The following FNDC3A variants were observed in gnomAD, a reference collection of about 807,000 sequenced individuals.
FNDC3A encodes fibronectin type III domain containing 3A.
FNDC3A carries 32 observed loss-of-function variants against 148.9 expected under a neutral mutation model. The observed-to-expected ratio is 0.21, with a 90% CI of 0.16 to 0.29. FNDC3A has a LOEUF of 0.29. Among genes scored for constraint, FNDC3A ranks in the 10% least tolerant of loss-of-function variants. FNDC3A has a pLI of 1.00. For synonymous variants in FNDC3A, 472 were observed against 473.6 expected (o/e 1.00, Z 0.04); for missense variants, 1,191 against 1,452.8 (o/e 0.82, Z 2.93).
rs150982600 is a variant in FNDC3A at position 49,070,365 on chromosome 13, A to G, written c.100-4924A>G. Among the ~76,000 whole-genome samples, 132 of 152,270 alleles carry G rather than the reference A, an allele frequency of 8.7e-4. 1 individual carries two copies. In the East Asian group the frequency reaches 0.018, roughly 21 times the overall value. Reference sequence around the variant, plus strand: ...AAAAACAGGAAAAATTAATTATAACATTTTAACCCAGTATGTCCAGAATAT... The same window carrying G: ...AAAAACAGGAAAAATTAATTATAACGTTTTAACCCAGTATGTCCAGAATAT... On this transcript the variant is annotated intron_variant, in intron 2 of 25. Transcript: ENST00000492622.
rs893770296 is a variant in FNDC3A, at chr13:49,017,928, C to T, written c.99+11639C>T. Among the ~76,000 whole-genome samples, 6 of 152,230 alleles carry T rather than the reference C, an allele frequency of 3.9e-5. No individual in the cohort carries two copies. In the South Asian group the frequency reaches 6.2e-4, roughly 16 times the overall value. On this transcript the variant is annotated intron_variant, in intron 2 of 25. Transcript: ENST00000492622. Reference sequence around the variant, plus strand: ...TTTCTTTAAGAATGTTGGATATTGGCCCCTACTCTCTTCTGGCTTGTAGAG... The same window carrying T: ...TTTCTTTAAGAATGTTGGATATTGGTCCCTACTCTCTTCTGGCTTGTAGAG...
intron 8 of FNDC3A, among the ~76,000 whole-genome samples, chr13:49,164,064 G>C (rs1364321874): frequency 6.6e-6 from 1 of 152,134 alleles, no homozygotes; most frequent in African/African-American, 2.4e-5. Context: ...TTATAGAACT[G>C]CTGTAGTCGT....
At chr13:49,175,309 TG>T in intron 12 of FNDC3A, 57 bp from the exon 13 acceptor site, 2 of 1,258,888 alleles carry the variant, frequency 1.6e-6, no homozygotes, top group Non-Finnish European at 2.1e-6. Context: ...GTCACAAACT[TG>T]TTCTTTCACT....
At chr13:49,019,081 T>G (rs1593478662) in intron 2 of FNDC3A, among the ~76,000 whole-genome samples, 1 of 152,194 alleles carries the variant, frequency 6.6e-6, no homozygotes, top group Non-Finnish European at 1.5e-5. Flanking sequence ...CCCCCAGAGG[T>G]GGAGCCTACA....
intron 2 of FNDC3A, among the ~76,000 whole-genome samples, chr13:49,031,899 A>G (rs1376190649): frequency 1.3e-5 from 2 of 152,204 alleles, no homozygotes; most frequent in African/African-American, 2.4e-5. Context: ...TGCAAACTGT[A>G]TCTGATAAGG....
chr13:49,077,299 A>G (rs1172551619), intron 3 of FNDC3A, among the ~76,000 whole-genome samples: 2 of 152,188 alleles, frequency 1.3e-5, no homozygotes, highest in Non-Finnish European at 2.9e-5. Flanking sequence ...TAAAAAGAGC[A>G]TTGGAGATGA....
intron 7 of FNDC3A, among the ~76,000 whole-genome samples, chr13:49,144,913 G>A (rs1452309630): frequency 6.6e-6 from 1 of 152,078 alleles, no homozygotes; most frequent in Admixed American, 6.6e-5. Flanking sequence ...GAAATCTTCA[G>A]ATGTTAGCGC....
chr13:49,069,254 A>T (rs1049461562), intron 2 of FNDC3A, among the ~76,000 whole-genome samples: 3 of 152,216 alleles, frequency 2.0e-5, no homozygotes, highest in Non-Finnish European at 4.4e-5. Context: ...AATACCTTTA[A>T]AGAAACCTTT....
intron 4 of FNDC3A, among the ~76,000 whole-genome samples, chr13:49,126,258 G>A (rs1420886217): frequency 6.7e-6 from 1 of 149,686 alleles, no homozygotes; most frequent in East Asian, 2.2e-4. Flanking sequence ...CTTAGGTTTG[G>A]GGGTTTTTTT....
At chr13:49,187,745 T>C in intron 16 of FNDC3A, 1 of 985,456 alleles carries the variant, frequency 1.0e-6, no homozygotes, top group African/African-American at 1.6e-5. Context: ...CAAGACCTTT[T>C]TTTTTTCCTG....
At chr13:49,194,324 G>A (rs1886042998) in intron 19 of FNDC3A, among the ~76,000 whole-genome samples, 1 of 152,150 alleles carries the variant, frequency 6.6e-6, no homozygotes, top group Admixed American at 6.6e-5. Context: ...TTTAAATTAG[G>A]AACTTTTGAA....
At chr13:49,018,171 C>A (rs1341662163) in intron 2 of FNDC3A, among the ~76,000 whole-genome samples, 1 of 151,942 alleles carries the variant, frequency 6.6e-6, no homozygotes, top group African/African-American at 2.4e-5. Flanking sequence ...TGGGGAAGTT[C>A]TCCTGGATAA....
intron 3 of FNDC3A, chr13:49,110,288 C>G: frequency 6.6e-7 from 1 of 1,507,198 alleles, no homozygotes; most frequent in South Asian, 1.3e-5. Flanking sequence ...ATCTTTTCCT[C>G]TTACAGCCTT....
At chr13:49,060,410 A>G (rs1876583821) in intron 2 of FNDC3A, among the ~76,000 whole-genome samples, 1 of 152,130 alleles carries the variant, frequency 6.6e-6, no homozygotes, top group South Asian at 2.1e-4. Context: ...TTGGAAGGCC[A>G]AGGTGGGCGG....
intron 3 of FNDC3A, among the ~76,000 whole-genome samples, chr13:49,083,618 GA>G (rs1193465076): frequency 6.6e-6 from 1 of 152,126 alleles, no homozygotes; most frequent in African/African-American, 2.4e-5. Flanking sequence ...GTTTAACCTA[GA>G]AAAGAGGGCA....
chr13:49,160,346 G>A (rs1884015331), intron 8 of FNDC3A, among the ~76,000 whole-genome samples: 1 of 152,136 alleles, frequency 6.6e-6, no homozygotes, highest in South Asian at 2.1e-4. Context: ...TTTAGTCTTG[G>A]GAGGGTGTAT....
chr13:49,013,597 T>A (rs1952414804), intron 2 of FNDC3A, among the ~76,000 whole-genome samples: 1 of 151,620 alleles, frequency 6.6e-6, no homozygotes. Flanking sequence ...CAAGTATAGA[T>A]GTACACGTGT....
At chr13:49,134,912 G>C (rs1250556284) in intron 5 of FNDC3A, among the ~76,000 whole-genome samples, 3 of 117,790 alleles carry the variant, frequency 2.5e-5, no homozygotes, top group Non-Finnish European at 4.9e-5. Flanking sequence ...GCAGTGGCAT[G>C]ATCTCGGCTC....
intron 4 of FNDC3A, among the ~76,000 whole-genome samples, chr13:49,116,532 C>T (rs551349612): frequency 6.6e-4 from 101 of 152,234 alleles, no homozygotes; most frequent in Non-Finnish European, 1.2e-3. Flanking sequence ...TGGTGGCTCA[C>T]GCCTGTAATC....
Sources: allele counts gnomAD v4.1 joint callset (sites outside exome capture counted in the v4.1 genomes callset), GRCh38; gene constraint gnomAD v4.1.1; transcripts MANE v1.5; gene names NCBI Gene and HGNC (gene_info 2026-07-23, HGNC 2026-07-21).